The following MFSD6 variants were observed in gnomAD, a reference collection of about 807,000 sequenced individuals.
MFSD6 encodes the protein major facilitator superfamily domain-containing protein 6.
In MFSD6, 26 loss-of-function variants were observed where a neutral mutation model predicts 56.3. The observed-to-expected ratio is 0.46, with a 90% CI of 0.34 to 0.64. The LOEUF is 0.64. Ranked by LOEUF, MFSD6 falls within the 30% of genes least tolerant of loss-of-function variation. The pLI is 0.01. For missense variants in MFSD6, 750 were observed against 986.2 expected (o/e 0.76, Z 3.21); for synonymous variants, 331 against 366.9 (o/e 0.90, Z 1.12).
intron 2 of MFSD6, among the ~76,000 whole-genome samples, chr2:190,428,328 C>T (rs1156899843): frequency 1.3e-5 from 2 of 152,130 alleles, no homozygotes; most frequent in African/African-American, 2.4e-5. Context: ...GGTGAATATA[C>T]ATATCTTTTG....
In MFSD6 at chr2:190,496,752, G is replaced by C. The variant is rs1455133817; in HGVS notation, c.1892-687G>C. On this transcript the variant is annotated intron_variant, in intron 6 of 7. Coordinates refer to ENST00000392328, the MANE Select transcript of MFSD6 (RefSeq NM_017694.4). The surrounding 1 kb of genome is among the most constrained non-coding windows in gnomAD (Gnocchi z 4.7). ...AGCCATAAAAAGGAATGAATTAATG[G>C]CATTCACAGCAACCTGGATGGAACT... is the stretch of plus-strand genomic sequence containing the variant. 6.6e-6 allele frequency among the ~76,000 whole-genome samples: 1 copy of C among 152,138 alleles called. No homozygotes were observed. Among genetic ancestry groups the C allele is most frequent in the African/African-American group, 2.4e-5 (1 of 41,418 alleles).
chr2:190,428,377 C>G (rs1356596965), intron 2 of MFSD6, among the ~76,000 whole-genome samples: 2 of 152,090 alleles, frequency 1.3e-5, no homozygotes, highest in Non-Finnish European at 2.9e-5. Flanking sequence ...AGTAGCTATT[C>G]CCAGTTTTTA....
At chr2:190,430,230 T>A (rs1357432382) in intron 2 of MFSD6, among the ~76,000 whole-genome samples, 2 of 147,934 alleles carry the variant, frequency 1.4e-5, no homozygotes, top group Admixed American at 1.4e-4. Flanking sequence ...TTTTAATTGA[T>A]CATTCTTGGG....
Position 190,499,994 on chromosome 2 carries a change from T to C in MFSD6, c.2173-21T>C. On this transcript the variant is annotated intron_variant, in intron 7 of 7. Transcript: ENST00000392328. The surrounding 1 kb of genome is among the most constrained non-coding windows in gnomAD (Gnocchi z 6.0). ...ATTTGCTATCACTGATCATGGGGCA[T>C]CTCCTGTTTTTTACCTCCAGGGGAC... The C allele has an allele frequency of 6.2e-7, 1 of 1,612,590 alleles. No homozygotes were observed. Among genetic ancestry groups the C allele is most frequent in the Non-Finnish European group, 8.5e-7 (1 of 1,178,604 alleles).
Position 190,489,947 on chromosome 2 carries a change from T to G in MFSD6, c.1891+81T>G. On this transcript the variant is annotated intron_variant, in intron 6 of 7. Transcript: ENST00000392328. This position sits in a 1 kb window ranked among gnomAD's most constrained non-coding sequence, Gnocchi z 6.6. ...ACAAATGCCCCGAGAAGCCTAGAAG[T>G]GGTACAGAGTATACAACAGGTCTGT... The G allele has an allele frequency of 6.6e-6, 8 of 1,212,500 alleles. No individual in the cohort carries two copies. Among genetic ancestry groups the G allele is most frequent in the Admixed American group, 2.2e-5 (1 of 44,724 alleles). 75.1% of individuals were successfully genotyped at this position (1,212,500 alleles called of 1,614,324 possible).
rs947403002 is a variant in MFSD6 at position 190,457,097 on chromosome 2, C to A, written c.1533-12661C>A. On this transcript the variant is annotated intron_variant, in intron 3 of 7. Transcript: ENST00000392328. This position sits in a 1 kb window ranked among gnomAD's most constrained non-coding sequence, Gnocchi z 5.1. ...CTAGTCCGTTTCTTATGGTCCAATCCAGAGGTATTTCCTCAAGCCCTTGTC... is the reference window on the plus strand; with the variant it reads ...CTAGTCCGTTTCTTATGGTCCAATCAAGAGGTATTTCCTCAAGCCCTTGTC... Among the ~76,000 whole-genome samples, 3 of 152,176 alleles carry A rather than the reference C, an allele frequency of 2.0e-5. No individual in the cohort carries two copies. Among genetic ancestry groups the A allele is most frequent in the African/African-American group, 7.2e-5 (3 of 41,436 alleles).
intron 4 of MFSD6, among the ~76,000 whole-genome samples, chr2:190,476,919 C>A (rs1449783988): frequency 6.6e-6 from 1 of 151,872 alleles, no homozygotes; most frequent in Admixed American, 6.6e-5. Flanking sequence ...ATGGATGAAG[C>A]TGGAAACCAT....
In MFSD6 at chr2:190,463,776, C is replaced by A; in HGVS notation, c.1533-5982C>A. The A allele has an allele frequency of 3.1e-6, 2 of 648,302 alleles. No individual in the cohort carries two copies. Among genetic ancestry groups the A allele is most frequent in the South Asian group, 1.4e-4 (2 of 14,556 alleles). 40.2% of individuals were successfully genotyped at this position (648,302 alleles called of 1,614,324 possible). A position where few individuals can be genotyped will look rare whatever the true frequency, so the allele number is the denominator to read the frequency against. On this transcript the variant is annotated intron_variant, in intron 3 of 7. Coordinates refer to ENST00000392328, the MANE Select transcript of MFSD6 (RefSeq NM_017694.4). The surrounding 1 kb of genome is among the most constrained non-coding windows in gnomAD (Gnocchi z 4.4). ...TCAAGGCTGCATTGAGCTGTGATGACGCTACTGCACTCCAGCCTGGGTAAC... is the reference window on the plus strand; with the variant it reads ...TCAAGGCTGCATTGAGCTGTGATGAAGCTACTGCACTCCAGCCTGGGTAAC...
At position 190,423,528 on chromosome 2, in the gene MFSD6, C is replaced by A. The variant is rs1685698660; in HGVS notation, c.-54+8115C>A. 6.6e-6 allele frequency among the ~76,000 whole-genome samples: 1 copy of A among 152,092 alleles called. No individual in the cohort carries two copies. Among genetic ancestry groups the A allele is most frequent in the African/African-American group, 2.4e-5 (1 of 41,404 alleles). The stretch of plus-strand genomic sequence containing the variant: ...CTGTAGTACAATTTGTTTAATTAGT[C>A]CTTCCATCCTTTGAAGGGCTTTTGG... On this transcript the variant is annotated intron_variant, in intron 2 of 7. Transcript: ENST00000392328. This position sits in a 1 kb window ranked among gnomAD's most constrained non-coding sequence, Gnocchi z 4.3.
intron 2 of MFSD6, among the ~76,000 whole-genome samples, chr2:190,422,480 A>T (rs1685655100): frequency 6.6e-6 from 1 of 152,194 alleles, no homozygotes; most frequent in African/African-American, 2.4e-5. Context: ...TTTTGTGAGA[A>T]ATTGCATGTG....
rs6744823 is a variant in MFSD6 at position 190,416,719 on chromosome 2, A to G, written c.-54+1306A>G. Reference sequence around the variant, plus strand: ...CAACTACCAGCAACACCAAATGTTCATATGTTGCTTTTAGATTAACAGAAT... The same window carrying G: ...CAACTACCAGCAACACCAAATGTTCGTATGTTGCTTTTAGATTAACAGAAT... On this transcript the variant is annotated intron_variant, in intron 2 of 7. Transcript: ENST00000392328. This position sits in a 1 kb window ranked among gnomAD's most constrained non-coding sequence, Gnocchi z 4.1. Among the ~76,000 whole-genome samples the G allele has an allele frequency of 4.6e-5, 7 of 152,232 alleles. No homozygotes were observed. The highest frequency in any genetic ancestry group is 1.7e-4 in the African/African-American group (7 of 41,468).
rs1686009711 is a variant in MFSD6 at position 190,431,698 on chromosome 2, AGAGGGAGAGGGAGACTGTGGGGAGAGG to A, written c.-53-4264_-53-4238del. Among the ~76,000 whole-genome samples, 1 of 92,252 alleles carries A rather than the reference AGAGGGAGAGGGAGACTGTGGGGAGAGG, an allele frequency of 1.1e-5. No homozygotes were observed. Among genetic ancestry groups the A allele is most frequent in the African/African-American group, 2.9e-5 (1 of 34,730 alleles). 60.5% of individuals were successfully genotyped at this position (92,252 alleles called of 152,430 possible). A position where few individuals can be genotyped will look rare whatever the true frequency, so the allele number is the denominator to read the frequency against. ...TCAGCATCAGGGAGACCGTGGAAAG[AGAGGGAGAGGGAGACTGTGGGGAGAGG>A]GAGGGAGAGGGAGAGGGAGAGGGAG... On this transcript the variant is annotated intron_variant, in intron 2 of 7. Coordinates refer to ENST00000392328, the MANE Select transcript of MFSD6 (RefSeq NM_017694.4). The surrounding 1 kb of genome is among the most constrained non-coding windows in gnomAD (Gnocchi z 4.4).
upstream of MFSD6, among the ~76,000 whole-genome samples, chr2:190,408,106 G>C (rs893093371): frequency 5.9e-5 from 9 of 151,984 alleles, no homozygotes; most frequent in Non-Finnish European, 2.9e-5. Context: ...GCGGGCAGTC[G>C]ACGCATCCGC....
Position 190,436,373 on chromosome 2 carries a change from T to A in MFSD6, c.344T>A (p.Phe115Tyr), listed in dbSNP as rs1345798742. 6.2e-7 allele frequency: 1 copy of A among 1,614,250 alleles called. No individual in the cohort carries two copies. Among genetic ancestry groups the A allele is most frequent in the South Asian group, 1.1e-5 (1 of 91,084 alleles). Residue 115 changes from phenylalanine (F) to tyrosine (Y), a missense_variant, in exon 3 of 8, where the codon TTC becomes TAC. Physicochemically the swap from Phe to Tyr is conservative, Grantham distance 22 (BLOSUM62 3). Coordinates refer to ENST00000392328, the MANE Select transcript of MFSD6 (RefSeq NM_017694.4). The surrounding 1 kb of genome is among the most constrained non-coding windows in gnomAD (Gnocchi z 5.3). ...GTAGGTATTCGTTACTTCATTGAAT[T>A]CTGCAGTGCCCCCTTTTGGGGTGTA... is the stretch of plus-strand genomic sequence containing the variant. ...LLVGIRYFIE[F>Y]CSAPFWGVVA...
At position 190,417,425 on chromosome 2, in the gene MFSD6, A is replaced by AC. The variant is rs373552591; in HGVS notation, c.-54+2013dup. Among the ~76,000 whole-genome samples, 4 of 152,138 alleles carry AC rather than the reference A, an allele frequency of 2.6e-5. No homozygotes were observed. Among genetic ancestry groups the AC allele is most frequent in the African/African-American group, 9.7e-5 (4 of 41,408 alleles). ...ATCACCTGTGCTTGCTCCTGTTTGAACATTTAGCATAAGGTGTTGTGATTG... is the reference window on the plus strand; with the variant it reads ...ATCACCTGTGCTTGCTCCTGTTTGAACCATTTAGCATAAGGTGTTGTGATTG... On this transcript the variant is annotated intron_variant, in intron 2 of 7. Transcript: ENST00000392328. This position sits in a 1 kb window ranked among gnomAD's most constrained non-coding sequence, Gnocchi z 5.7.
intron 3 of MFSD6, among the ~76,000 whole-genome samples, chr2:190,446,928 C>T (rs1041243726): frequency 1.1e-4 from 16 of 152,304 alleles, no homozygotes; most frequent in African/African-American, 3.8e-4. Context: ...GGATCTCTCC[C>T]AGTGCACTGC....
rs1690828460 is a variant in MFSD6, at chr2:190,417,523, C to G, written c.-54+2110C>G. Among the ~76,000 whole-genome samples, 1 of 152,150 alleles carries G rather than the reference C, an allele frequency of 6.6e-6. No individual in the cohort carries two copies. Among genetic ancestry groups the G allele is most frequent in the African/African-American group, 2.4e-5 (1 of 41,412 alleles). ...GTGTGGCCTCCAGCATGTGTCCTACCTACTAGTGGGTGCTCGATCTATAGC... is the reference window on the plus strand; with the variant it reads ...GTGTGGCCTCCAGCATGTGTCCTACGTACTAGTGGGTGCTCGATCTATAGC... On this transcript the variant is annotated intron_variant, in intron 2 of 7. Coordinates refer to ENST00000392328, the MANE Select transcript of MFSD6 (RefSeq NM_017694.4). The surrounding 1 kb of genome is among the most constrained non-coding windows in gnomAD (Gnocchi z 5.7).
intron 4 of MFSD6, among the ~76,000 whole-genome samples, chr2:190,479,788 A>AGGTCTG (rs1688556051): frequency 1.3e-5 from 2 of 152,136 alleles, no homozygotes; most frequent in Non-Finnish European, 2.9e-5. Context: ...AGTGAAAACG[A>AGGTCTG]GGTCTGGGTC....
Position 190,495,474 on chromosome 2 carries a change from C to T in MFSD6, c.1892-1965C>T, listed in dbSNP as rs1440650932. Among the ~76,000 whole-genome samples the T allele has an allele frequency of 2.0e-5, 3 of 152,068 alleles. No individual in the cohort carries two copies. Among genetic ancestry groups the T allele is most frequent in the Non-Finnish European group, 4.4e-5 (3 of 67,996 alleles). ...ATTCCCATCAAATACCACCATCATT[C>T]TTCACAGAACTAGAAAAAACAATCC... is the stretch of plus-strand genomic sequence containing the variant. On this transcript the variant is annotated intron_variant, in intron 6 of 7. Coordinates refer to ENST00000392328, the MANE Select transcript of MFSD6 (RefSeq NM_017694.4). The surrounding 1 kb of genome is among the most constrained non-coding windows in gnomAD (Gnocchi z 4.7).
Sources: allele counts gnomAD v4.1 joint callset (sites outside exome capture counted in the v4.1 genomes callset), GRCh38; gene constraint gnomAD v4.1.1; non-coding constraint Gnocchi (gnomAD v3.1); transcripts MANE v1.5; gene names NCBI Gene and HGNC (gene_info 2026-07-23, HGNC 2026-07-21).